SETD3: variants seen among roughly 807,000 people sequenced by gnomAD.
SETD3 encodes SET domain containing 3, actin N3(tau)-histidine methyltransferase.
SETD3 carries 19 observed loss-of-function variants against 63.0 expected under a neutral mutation model. The ratio of observed to expected loss-of-function variants is 0.30; its 90% CI spans 0.21 to 0.44. SETD3 has a LOEUF of 0.44. Among genes scored for constraint, SETD3 ranks in the 20% least tolerant of loss-of-function variants. The pLI, the probability that SETD3 is intolerant of heterozygous loss-of-function variation, is 1.00. For synonymous variants in SETD3, 286 were observed against 264.1 expected, an observed-to-expected ratio of 1.08 and a Z score of -0.80; for missense variants, 587 against 728.5, an observed-to-expected ratio of 0.81 and a Z score of 2.24.
At chr14:99,425,887 A>T (rs1441814744) in intron 6 of SETD3, among the ~76,000 whole-genome samples, 2 of 152,190 alleles carry the variant, frequency 1.3e-5, no homozygotes, top group Non-Finnish European at 2.9e-5. Flanking sequence ...GTTTTTCCAG[A>T]TCATTAGCTT....
At chr14:99,423,450 C>G (rs1892694727) in intron 6 of SETD3, among the ~76,000 whole-genome samples, 1 of 151,500 alleles carries the variant, frequency 6.6e-6, no homozygotes, top group Non-Finnish European at 1.5e-5. Context: ...AATCTCCATA[C>G]CTTTGGGTAG....
intron 6 of SETD3, among the ~76,000 whole-genome samples, chr14:99,457,260 T>C (rs200241477): frequency 2.6e-5 from 4 of 152,212 alleles, no homozygotes; most frequent in East Asian, 3.8e-4. Flanking sequence ...TCCTAAAGTT[T>C]AGAAAAACCG....
chr14:99,409,458 T>C (rs1336041352), intron 8 of SETD3, among the ~76,000 whole-genome samples: 2 of 152,212 alleles, frequency 1.3e-5, no homozygotes, highest in Non-Finnish European at 2.9e-5. Flanking sequence ...CTCCAGCAGC[T>C]CCATGGAGCC....
intron 6 of SETD3, among the ~76,000 whole-genome samples, chr14:99,454,887 T>C (rs1345034435): frequency 6.6e-6 from 1 of 152,218 alleles, no homozygotes; most frequent in Non-Finnish European, 1.5e-5. Context: ...CAGAGGAAAC[T>C]GACTCCTAAC....
chr14:99,406,154 C>G (rs1428521111), intron 9 of SETD3, among the ~76,000 whole-genome samples: 1 of 152,004 alleles, frequency 6.6e-6, no homozygotes, highest in Non-Finnish European at 1.5e-5. Context: ...AAGTTCTAAT[C>G]AGTAGAAAAA....
chr14:99,421,670 T>C (rs1418813750), intron 6 of SETD3, among the ~76,000 whole-genome samples: 1 of 152,174 alleles, frequency 6.6e-6, no homozygotes, highest in Non-Finnish European at 1.5e-5. Flanking sequence ...GGGCACTCTA[T>C]CGAGAACTCT....
intron 1 of SETD3, among the ~76,000 whole-genome samples, chr14:99,478,926 A>C (rs1263989643): frequency 2.0e-5 from 3 of 152,230 alleles, no homozygotes; most frequent in Admixed American, 2.0e-4. Context: ...CAAAAGCTTA[A>C]TTATCATTTA....
At chr14:99,472,872 C>T (rs368156362) in intron 1 of SETD3, among the ~76,000 whole-genome samples, 13 of 152,032 alleles carry the variant, frequency 8.6e-5, no homozygotes, top group African/African-American at 2.7e-4. Context: ...AAAGAAAATA[C>T]GAAGAGTAGC....
chr14:99,413,605 G>T (rs1431632318), intron 7 of SETD3, among the ~76,000 whole-genome samples: 4 of 152,040 alleles, frequency 2.6e-5, no homozygotes, highest in Non-Finnish European at 4.4e-5. Context: ...AAATCCATAG[G>T]ACCACCCAAC....
At chr14:99,457,024 C>T (rs1894799737) in intron 6 of SETD3, among the ~76,000 whole-genome samples, 1 of 152,152 alleles carries the variant, frequency 6.6e-6, no homozygotes, top group African/African-American at 2.4e-5. Context: ...CTTAGACCTA[C>T]TAAAGTCAGC....
At chr14:99,426,693 T>C (rs1403409990) in intron 6 of SETD3, among the ~76,000 whole-genome samples, 1 of 152,224 alleles carries the variant, frequency 6.6e-6, no homozygotes, top group Non-Finnish European at 1.5e-5. Flanking sequence ...CATCTAGTAG[T>C]GATCACTGAC....
intron 11 of SETD3, among the ~76,000 whole-genome samples, chr14:99,401,293 A>AG (rs1390281716): frequency 6.6e-6 from 1 of 152,250 alleles, no homozygotes; most frequent in Non-Finnish European, 1.5e-5. Context: ...AACTGCTCTT[A>AG]GCATTTTATC....
upstream of SETD3, among the ~76,000 whole-genome samples, chr14:99,485,176 T>C (rs1896452954): frequency 6.6e-6 from 1 of 152,376 alleles, no homozygotes; most frequent in African/African-American, 2.4e-5. Context: ...ATTGTTTATA[T>C]TCTGCCTTGG....
At chr14:99,403,451 A>ACTCTCTCTCTCTCTCTCTCT (rs1316443573) in intron 11 of SETD3, among the ~76,000 whole-genome samples, 37 of 107,100 alleles carry the variant, frequency 3.5e-4, no homozygotes, top group Middle Eastern at 4.2e-3. Flanking sequence ...ACACACACAC[A>ACTCTCTCTCTCTCTCTCTCT]CACACTCTCT....
At chr14:99,406,000 T>C (rs182218247) in intron 9 of SETD3, among the ~76,000 whole-genome samples, 19 of 152,274 alleles carry the variant, frequency 1.2e-4, no homozygotes, top group African/African-American at 4.1e-4. Flanking sequence ...TGATAGAATG[T>C]AGGAATTTAT....
At chr14:99,479,098 A>C (rs1896125129) in intron 1 of SETD3, among the ~76,000 whole-genome samples, 1 of 152,234 alleles carries the variant, frequency 6.6e-6, no homozygotes, top group Non-Finnish European at 1.5e-5. Context: ...TCCAGGAAAA[A>C]AAAGCACTGA....
At chr14:99,449,957 C>T (rs181090976) in intron 6 of SETD3, among the ~76,000 whole-genome samples, 2 of 152,288 alleles carry the variant, frequency 1.3e-5, no homozygotes, top group African/African-American at 4.8e-5. Context: ...GGTGTGATAC[C>T]TCACACTTAA....
At chr14:99,461,554 A>T (rs1358247099) in intron 3 of SETD3, among the ~76,000 whole-genome samples, 1 of 152,238 alleles carries the variant, frequency 6.6e-6, no homozygotes, top group Non-Finnish European at 1.5e-5. Context: ...TGTCAGTTAC[A>T]GTGAAATATA....
intron 6 of SETD3, among the ~76,000 whole-genome samples, chr14:99,453,809 G>C (rs1243088995): frequency 6.6e-6 from 1 of 151,758 alleles, no homozygotes; most frequent in Admixed American, 6.6e-5. Flanking sequence ...CTAGGTGATA[G>C]AGCAAGTCTC....
Sources: allele counts gnomAD v4.1 joint callset (sites outside exome capture counted in the v4.1 genomes callset), GRCh38; gene constraint gnomAD v4.1.1; transcripts MANE v1.5; gene names NCBI Gene and HGNC (gene_info 2026-07-23, HGNC 2026-07-21).